HYCC1: variants seen among roughly 807,000 people sequenced by gnomAD.
HYCC1 encodes the protein hyccin PI4KA lipid kinase complex subunit 1, also known as hyccin.
chr7:22,900,443 A>G, the HYCC1 span, among the ~76,000 whole-genome samples: 1 of 152,210 alleles, frequency 6.6e-6, no homozygotes, highest in Non-Finnish European at 1.5e-5. Context: ...GTCACTATCC[A>G]TGGACAATGG....
the HYCC1 span, among the ~76,000 whole-genome samples, chr7:22,957,500 T>C: frequency 6.6e-6 from 1 of 152,094 alleles, no homozygotes; most frequent in East Asian, 1.9e-4. Context: ...CCAATTGCTT[T>C]CTTCTTTCCA....
At chr7:22,975,535 G>C in the HYCC1 span, among the ~76,000 whole-genome samples, 2 of 152,018 alleles carry the variant, frequency 1.3e-5, no homozygotes, top group African/African-American at 2.4e-5. Flanking sequence ...TTCCAAATTA[G>C]AGCACAGTAA....
the HYCC1 span, chr7:22,978,152 TG>T: frequency 9.0e-6 from 8 of 891,560 alleles, no homozygotes; most frequent in Non-Finnish European, 1.4e-5. Flanking sequence ...GAATGGGCTA[TG>T]AGTCATTTGG....
the HYCC1 span, among the ~76,000 whole-genome samples, chr7:22,918,584 T>C: frequency 6.6e-6 from 1 of 152,158 alleles, no homozygotes; most frequent in Non-Finnish European, 1.5e-5. Context: ...CCTGCACGTA[T>C]ACATCCAGAT....
At chr7:22,933,797 C>T in the HYCC1 span, among the ~76,000 whole-genome samples, 1 of 152,200 alleles carries the variant, frequency 6.6e-6, no homozygotes, top group Non-Finnish European at 1.5e-5. Flanking sequence ...TCTGATAACA[C>T]TAATAACTGG....
chr7:22,972,454 T>C, the HYCC1 span, among the ~76,000 whole-genome samples: 3 of 152,146 alleles, frequency 2.0e-5, no homozygotes, highest in Non-Finnish European at 4.4e-5. Context: ...CCTTAGACAA[T>C]GGGAGAGAAT....
the HYCC1 span, chr7:22,983,905 G>T: frequency 8.5e-7 from 1 of 1,174,838 alleles, no homozygotes; most frequent in Non-Finnish European, 1.3e-6. Context: ...AATCAATCAA[G>T]TCAATACTGT....
At chr7:22,966,287 T>C in the HYCC1 span, among the ~76,000 whole-genome samples, 2 of 152,058 alleles carry the variant, frequency 1.3e-5, no homozygotes, top group South Asian at 2.1e-4. Flanking sequence ...TTATTGTTTG[T>C]TTGTTTTTTG....
the HYCC1 span, among the ~76,000 whole-genome samples, chr7:22,999,372 T>C: frequency 6.6e-6 from 1 of 152,218 alleles, no homozygotes; most frequent in Non-Finnish European, 1.5e-5. Flanking sequence ...GAATCAAACT[T>C]CAGTAAGCCC....
At chr7:22,928,659 A>G in the HYCC1 span, among the ~76,000 whole-genome samples, 188 of 152,322 alleles carry the variant, frequency 1.2e-3, 2 homozygotes, top group Admixed American at 3.6e-3. Flanking sequence ...AAGGAGAACT[A>G]CAAACCACTG....
the HYCC1 span, among the ~76,000 whole-genome samples, chr7:22,952,690 C>T: frequency 6.6e-6 from 1 of 151,844 alleles, no homozygotes; most frequent in Non-Finnish European, 1.5e-5. Flanking sequence ...AAGTCACATT[C>T]GCGTAACACA....
chr7:22,988,685 A>G, the HYCC1 span, among the ~76,000 whole-genome samples: 1 of 152,220 alleles, frequency 6.6e-6, no homozygotes, highest in South Asian at 2.1e-4. Context: ...AATGATTCCA[A>G]CACAACACCT....
chr7:22,978,513 G>A, the HYCC1 span: 2 of 1,306,434 alleles, frequency 1.5e-6, no homozygotes, highest in Admixed American at 1.8e-5. Flanking sequence ...ACTATATGAA[G>A]TATAAAAGGT....
chr7:22,999,908 G>A, the HYCC1 span, among the ~76,000 whole-genome samples: 1 of 151,952 alleles, frequency 6.6e-6, no homozygotes, highest in Non-Finnish European at 1.5e-5. Flanking sequence ...ACGAATAATT[G>A]CAAGGGCCAT....
the HYCC1 span, among the ~76,000 whole-genome samples, chr7:22,931,438 T>C: frequency 5.3e-5 from 8 of 152,222 alleles, no homozygotes; most frequent in African/African-American, 1.7e-4. Context: ...GAAACTAATA[T>C]AGATTTTAGT....
chr7:22,935,707 G>C, the HYCC1 span: 1 of 152,094 alleles, frequency 6.6e-6, no homozygotes, highest in Non-Finnish European at 1.5e-5. Context: ...GTGCAGTGGT[G>C]CTATCTCGGC....
At chr7:23,014,057 G>A in the HYCC1 span, 1 of 470,888 alleles carries the variant, frequency 2.1e-6, no homozygotes, top group Non-Finnish European at 4.4e-6. Flanking sequence ...AACGGGTCCC[G>A]GTGAGCCATC....
the HYCC1 span, among the ~76,000 whole-genome samples, chr7:22,921,213 T>C: frequency 6.6e-6 from 1 of 152,234 alleles, no homozygotes; most frequent in Non-Finnish European, 1.5e-5. Context: ...TATGTATGTA[T>C]ATATGTTTGC....
the HYCC1 span, among the ~76,000 whole-genome samples, chr7:22,974,897 G>C: frequency 6.6e-6 from 1 of 152,132 alleles, no homozygotes; most frequent in African/African-American, 2.4e-5. Flanking sequence ...TTTTATAAAG[G>C]GGAGTTCTCC....
Sources: gnomAD v4.1 joint callset for allele counts (sites outside exome capture counted in the v4.1 genomes callset) on GRCh38, gnomAD v4.1.1 for gene constraint, MANE v1.5 for transcripts, NCBI Gene and HGNC (gene_info 2026-07-23, HGNC 2026-07-21) for gene names.